SLA: variants seen among roughly 807,000 people sequenced by gnomAD.
The protein encoded by SLA is src-like-adapter.
Under a neutral mutation model 30.3 loss-of-function variants are expected in SLA, and 16 were observed. The observed-to-expected ratio is 0.53, with a 90% CI of 0.36 to 0.80. SLA has a LOEUF of 0.80. SLA is among the 30% of genes least tolerant of loss of function. The probability of loss-of-function intolerance (pLI) is 0.01; values close to 1 mark genes in which losing one functional copy is unlikely to be tolerated. For synonymous variants in SLA, 143 were observed against 137.8 expected, an observed-to-expected ratio of 1.04 and a Z score of -0.26; for missense variants, 310 against 345.2, an observed-to-expected ratio of 0.90 and a Z score of 0.81.
At chr8:133,079,676 C>T (rs1013922376) in intron 1 of SLA, among the ~76,000 whole-genome samples, 2 of 152,142 alleles carry the variant, frequency 1.3e-5, no homozygotes, top group African/African-American at 2.4e-5. Flanking sequence ...TACTTTATAG[C>T]TTGATTTGTT....
Position 133,045,011 on chromosome 8 carries a change from G to A in SLA, c.457C>T (p.Leu153=), listed in dbSNP as rs763946614. ...GAATAGTGGTTCACCAGGTCCTCCA[G>A]GCACTGGAAGGTGAGCCTCGGGGAA... is the stretch of plus-strand genomic sequence containing the variant. ...YISPRLTFQC[L]EDLVNHYSEV... is the part of the protein sequence containing the mutation. The change falls in exon 7 of 9, where the codon CTG becomes TTG. Residue 153 remains leucine (L), a synonymous_variant. Coordinates refer to ENST00000338087, the MANE Select transcript of SLA (RefSeq NM_001045556.3). 2 of 1,614,212 alleles carry A rather than the reference G, an allele frequency of 1.2e-6. No individual in the cohort carries two copies. The highest frequency in any genetic ancestry group is 1.7e-6 in the Non-Finnish European group (2 of 1,180,008).
At chr8:133,073,645 A>G (rs1450387332) in intron 2 of SLA, among the ~76,000 whole-genome samples, 1 of 152,204 alleles carries the variant, frequency 6.6e-6, no homozygotes, top group Non-Finnish European at 1.5e-5. Context: ...AGTTTAATAG[A>G]CTTGCAGCTC....
chr8:133,081,743 A>G (rs558363787), intron 1 of SLA, among the ~76,000 whole-genome samples: 1 of 152,270 alleles, frequency 6.6e-6, no homozygotes, highest in African/African-American at 2.4e-5. Flanking sequence ...CAGCCATGCA[A>G]GGGTTGATGA....
chr8:133,051,083 T>C (rs573603092), intron 3 of SLA, among the ~76,000 whole-genome samples, 168 bp from the exon 4 acceptor site: 1 of 152,352 alleles, frequency 6.6e-6, no homozygotes, highest in South Asian at 2.1e-4. Context: ...GAGATGGCTC[T>C]GCAGGGTGTG....
intron 1 of SLA, among the ~76,000 whole-genome samples, chr8:133,088,075 G>T (rs1251660563): frequency 3.9e-5 from 6 of 152,222 alleles, no homozygotes. Context: ...GGAGTTTAAA[G>T]GAGCCAATAG....
intron 5 of SLA, among the ~76,000 whole-genome samples, chr8:133,048,136 G>A (rs758354230): frequency 1.3e-5 from 2 of 152,210 alleles, no homozygotes; most frequent in South Asian, 2.1e-4. Flanking sequence ...CATGTCAGCA[G>A]TTGATAGAGT....
chr8:133,047,125 G>A (rs1009889162), intron 6 of SLA: 4 of 152,250 alleles, frequency 2.6e-5, no homozygotes, highest in Non-Finnish European at 5.9e-5. Context: ...TAGAGAGAGA[G>A]AAGCAGTAAA....
chr8:133,057,709 A>G (rs1434458350), intron 3 of SLA, among the ~76,000 whole-genome samples: 3 of 151,908 alleles, frequency 2.0e-5, no homozygotes, highest in African/African-American at 7.3e-5. Flanking sequence ...GGTTTAAGAC[A>G]TTAGTTCCTG....
chr8:133,078,240 C>T (rs2739162), intron 1 of SLA, among the ~76,000 whole-genome samples: 4,554 of 152,248 alleles, frequency 0.03, 222 homozygotes, highest in African/African-American at 0.096. Context: ...GGCTTGGAAG[C>T]TACAGTATGG....
At chr8:133,053,610 T>C (rs1840829526) in intron 3 of SLA, among the ~76,000 whole-genome samples, 1 of 152,160 alleles carries the variant, frequency 6.6e-6, no homozygotes, top group African/African-American at 2.4e-5. Context: ...TTGAGGTAGA[T>C]GGTGTGTCTA....
intron 1 of SLA, chr8:133,076,598 G>A (rs1255750312): frequency 1.3e-5 from 2 of 152,074 alleles, no homozygotes; most frequent in Non-Finnish European, 2.9e-5. Flanking sequence ...GAGTAAAAGA[G>A]CTTTAGACTG....
At chr8:133,064,739 A>G (rs888784239) in intron 2 of SLA, among the ~76,000 whole-genome samples, 2 of 152,124 alleles carry the variant, frequency 1.3e-5, no homozygotes, top group Non-Finnish European at 2.9e-5. Flanking sequence ...GGGTCCTTTC[A>G]TTGTGTGCTC....
intron 1 of SLA, among the ~76,000 whole-genome samples, chr8:133,095,962 G>A (rs1181446693): frequency 6.6e-6 from 1 of 152,120 alleles, no homozygotes; most frequent in African/African-American, 2.4e-5. Flanking sequence ...CCCTACCTGG[G>A]GATCTGCTGT....
rs1325782594 is a variant in SLA at position 133,062,783 on chromosome 8, C to T, written c.-40-2583G>A. Among the ~76,000 whole-genome samples, 4 of 152,010 alleles carry T rather than the reference C, an allele frequency of 2.6e-5. No homozygotes were observed. In the East Asian group the frequency reaches 5.8e-4, roughly 22 times the overall value. On this transcript the variant is annotated intron_variant, in intron 2 of 8. Coordinates refer to ENST00000338087, the MANE Select transcript of SLA (RefSeq NM_001045556.3). ...TTCTGCACAGGCCTTGGGAAGCATG[C>T]GTATGACATGCAGAGGCTGCTTTGC...
intron 7 of SLA, among the ~76,000 whole-genome samples, chr8:133,041,784 GTTTTTT>G (rs529937626): frequency 8.0e-6 from 1 of 124,422 alleles, no homozygotes; most frequent in Non-Finnish European, 1.7e-5. Context: ...CTTGTGGTCA[GTTTTTT>G]TTTTTTTTTT....
rs887201646 is a variant in SLA at position 133,050,929 on chromosome 8, G to A, written c.62-14C>T. 14 of 1,553,906 alleles carry A rather than the reference G, an allele frequency of 9.0e-6. No homozygotes were observed. The highest frequency in any genetic ancestry group is 1.7e-4 in the Middle Eastern group (1 of 5,978). ...CGCTATCCAGTCCTGGGGAAACAAA[G>A]GCAAGGGGGAAGGGGGCAAGGTGCT... On this transcript the variant is annotated splice_polypyrimidine_tract_variant and intron_variant, in intron 3 of 8. Transcript: ENST00000338087.
intron 1 of SLA, among the ~76,000 whole-genome samples, chr8:133,080,773 A>G (rs779410116): frequency 4.6e-5 from 7 of 152,060 alleles, no homozygotes; most frequent in Non-Finnish European, 1.0e-4. Flanking sequence ...CCTCTTCCTC[A>G]TGCACTTCAC....
At chr8:133,095,019 G>A (rs370605783) in intron 1 of SLA, 1 of 1,612,428 alleles carries the variant, frequency 6.2e-7, no homozygotes, top group African/African-American at 1.3e-5. Flanking sequence ...TGAACCATCT[G>A]CCCTGAGCCT....
Position 133,037,787 on chromosome 8 carries a change from G to A in SLA, c.*737C>T, listed in dbSNP as rs1471299169. The A allele has an allele frequency of 3.3e-5, 5 of 152,220 alleles. No homozygotes were observed. The highest frequency in any genetic ancestry group is 1.2e-4 in the African/African-American group (5 of 41,438). 9.4% of individuals were successfully genotyped at this position (152,220 alleles called of 1,614,324 possible). A position where few individuals can be genotyped will look rare whatever the true frequency, so the allele number is the denominator to read the frequency against. ...TCTGCGCTGCAAAGCCATGGCTGCA[G>A]ACATCAGGGAAGCTGGTGCAGTTCT... On this transcript the variant is annotated 3_prime_UTR_variant, in exon 9 of 9. Coordinates refer to ENST00000338087, the MANE Select transcript of SLA (RefSeq NM_001045556.3).
Sources: gnomAD v4.1 joint callset for allele counts (sites outside exome capture counted in the v4.1 genomes callset) on GRCh38, gnomAD v4.1.1 for gene constraint, MANE v1.5 for transcripts, NCBI Gene and HGNC (gene_info 2026-07-23, HGNC 2026-07-21) for gene names.